ERBB4: variants seen among roughly 807,000 people sequenced by gnomAD.
The protein encoded by ERBB4 is receptor tyrosine-protein kinase erbB-4.
A neutral mutation model predicts 158.0 loss-of-function variants in ERBB4; 42 were observed. The ratio of observed to expected loss-of-function variants is 0.27; its 90% CI spans 0.21 to 0.34. The LOEUF (loss-of-function observed/expected upper bound fraction) is 0.34. Ranked by LOEUF, ERBB4 falls within the 10% of genes least tolerant of loss-of-function variation. ERBB4 has a pLI of 1.00. For missense variants in ERBB4, 1,333 were observed against 1,624.1 expected (o/e 0.82, Z 3.08); for synonymous variants, 583 against 558.7 (o/e 1.04, Z -0.61).
At chr2:211,514,272 C>G (rs1240822703) in intron 20 of ERBB4, among the ~76,000 whole-genome samples, 1 of 152,082 alleles carries the variant, frequency 6.6e-6, no homozygotes, top group Non-Finnish European at 1.5e-5. Context: ...AATATGAAAC[C>G]TATCTCGGTT....
rs911556610 is a variant in ERBB4, at chr2:212,417,900, G to C, written c.82+120549C>G. 2.0e-5 allele frequency among the ~76,000 whole-genome samples: 3 copies of C among 151,906 alleles called. 1 individual carries two copies. Among genetic ancestry groups the C allele is most frequent in the Non-Finnish European group, 4.4e-5 (3 of 67,902 alleles). ...TCTAACTCCCATGGGATAGTATTAAGAGATGGGGCCTTTTAGAAATAATTA... is the reference window on the plus strand; with the variant it reads ...TCTAACTCCCATGGGATAGTATTAACAGATGGGGCCTTTTAGAAATAATTA... On this transcript the variant is annotated intron_variant, in intron 1 of 27. Transcript: ENST00000342788.
chr2:212,287,565 G>A (rs998610656), intron 1 of ERBB4, among the ~76,000 whole-genome samples: 5 of 151,944 alleles, frequency 3.3e-5, no homozygotes, highest in Admixed American at 1.3e-4. Flanking sequence ...AGGCTTCATC[G>A]CTAGTCAATG....
rs1001307275 is a variant in ERBB4 at position 212,215,404 on chromosome 2, A to G, written c.83-90501T>C. ...GAGAATCATTTTTTCTAAGGCTCAA[A>G]TTGCCATTTTTCATCATAAAAATTC... On this transcript the variant is annotated intron_variant, in intron 1 of 27. Coordinates refer to ENST00000342788, the MANE Select transcript of ERBB4 (RefSeq NM_005235.3). Among the ~76,000 whole-genome samples the G allele has an allele frequency of 2.1e-4, 32 of 151,458 alleles. No homozygotes were observed. In the Admixed American group the frequency reaches 2.1e-3, roughly 10 times the overall value.
At chr2:211,978,801 C>T (rs960264184) in intron 2 of ERBB4, among the ~76,000 whole-genome samples, 3 of 152,090 alleles carry the variant, frequency 2.0e-5, no homozygotes, top group Non-Finnish European at 4.4e-5. Flanking sequence ...AAGGTGTTCT[C>T]TAACTACACC....
chr2:211,775,482 T>C (rs562993919), intron 4 of ERBB4, among the ~76,000 whole-genome samples: 2 of 152,328 alleles, frequency 1.3e-5, no homozygotes, highest in East Asian at 3.9e-4. Context: ...TTAAGATAGT[T>C]TGATAACATT....
intron 1 of ERBB4, among the ~76,000 whole-genome samples, chr2:212,199,897 A>G (rs890624290): frequency 6.6e-6 from 1 of 152,178 alleles, no homozygotes; most frequent in South Asian, 2.1e-4. Flanking sequence ...AGGCCAGTGA[A>G]GTATGAAAAG....
chr2:212,302,098 T>G (rs1451277156), intron 1 of ERBB4, among the ~76,000 whole-genome samples: 2 of 151,404 alleles, frequency 1.3e-5, no homozygotes, highest in Non-Finnish European at 3.0e-5. Context: ...TTGGGCTGAT[T>G]GATTATGCCA....
At chr2:211,535,972 G>GTT (rs147965672) in intron 20 of ERBB4, among the ~76,000 whole-genome samples, 33 of 151,162 alleles carry the variant, frequency 2.2e-4, no homozygotes, top group African/African-American at 5.8e-4. Flanking sequence ...ACATTTCCCT[G>GTT]TTTTTTTAAA....
At chr2:212,338,839 C>T (rs1032344839) in intron 1 of ERBB4, among the ~76,000 whole-genome samples, 2 of 152,036 alleles carry the variant, frequency 1.3e-5, no homozygotes, top group Non-Finnish European at 2.9e-5. Context: ...TTCAGGACAA[C>T]GCATACACGG....
intron 2 of ERBB4, among the ~76,000 whole-genome samples, chr2:212,077,509 A>G (rs1014515639): frequency 6.6e-6 from 1 of 152,018 alleles, no homozygotes; most frequent in Non-Finnish European, 1.5e-5. Flanking sequence ...GACAGTGACT[A>G]ATAGTTTTGA....
rs530047343 is a variant in ERBB4 at position 212,101,234 on chromosome 2, G to T, written c.234+23518C>A. 4.6e-5 allele frequency among the ~76,000 whole-genome samples: 7 copies of T among 151,722 alleles called. No individual in the cohort carries two copies. The East Asian group carries it at 1.4e-3, about 29-fold the overall frequency. On this transcript the variant is annotated intron_variant, in intron 2 of 27. Transcript: ENST00000342788. ...AAGAACATTCCAGTGTGTAGCACAT[G>T]GCGGATAATAAAAATATCATTATTG... is the stretch of plus-strand genomic sequence containing the variant.
rs955645049 is a variant in ERBB4, at chr2:211,913,090, C to T, written c.421+34340G>A. Among the ~76,000 whole-genome samples the T allele has an allele frequency of 2.0e-5, 3 of 152,110 alleles. No homozygotes were observed. The East Asian group carries it at 5.8e-4, about 29-fold the overall frequency. ...GCGTGGTTGTCATTCTGAAGGCTCC[C>T]ATCTGTACAGGTTAAATAAATGTGT... On this transcript the variant is annotated intron_variant, in intron 3 of 27. Coordinates refer to ENST00000342788, the MANE Select transcript of ERBB4 (RefSeq NM_005235.3).
intron 20 of ERBB4, among the ~76,000 whole-genome samples, chr2:211,514,020 TA>T (rs1212820444): frequency 6.6e-6 from 1 of 152,104 alleles, no homozygotes; most frequent in East Asian, 1.9e-4. Flanking sequence ...AAATATACAA[TA>T]AATTATTGTC....
chr2:211,874,150 A>G (rs2078431784), intron 3 of ERBB4, among the ~76,000 whole-genome samples: 1 of 152,106 alleles, frequency 6.6e-6, no homozygotes, highest in South Asian at 2.1e-4. Flanking sequence ...AAAAAAGCAA[A>G]CAAACAAAAA....
intron 1 of ERBB4, among the ~76,000 whole-genome samples, chr2:212,205,831 G>A (rs766508191): frequency 7.2e-5 from 11 of 152,062 alleles, no homozygotes; most frequent in Non-Finnish European, 1.0e-4. Context: ...CAAAATATGT[G>A]GTTAGAAGTT....
intron 3 of ERBB4, among the ~76,000 whole-genome samples, chr2:211,805,189 A>C (rs901339476): frequency 7.2e-5 from 11 of 152,134 alleles, no homozygotes; most frequent in Non-Finnish European, 1.0e-4. Flanking sequence ...AAAGTGCTAA[A>C]GTGCTGGGAT....
At chr2:211,632,783 T>A (rs554028790) in intron 16 of ERBB4, among the ~76,000 whole-genome samples, 2 of 152,048 alleles carry the variant, frequency 1.3e-5, no homozygotes, top group East Asian at 3.9e-4. Flanking sequence ...AAGACAGTAA[T>A]TTCTGGTTTT....
At chr2:212,107,005 A>T (rs1246528406) in intron 2 of ERBB4, among the ~76,000 whole-genome samples, 1 of 152,252 alleles carries the variant, frequency 6.6e-6, no homozygotes, top group African/African-American at 2.4e-5. Context: ...CAGGGTGCTC[A>T]TGCAGAACAT....
intron 1 of ERBB4, among the ~76,000 whole-genome samples, chr2:212,188,376 T>C (rs2082094173): frequency 6.7e-6 from 1 of 149,542 alleles, no homozygotes; most frequent in Admixed American, 6.7e-5. Context: ...TATTATAACA[T>C]CCTCTTAAAT....
Sources: allele counts gnomAD v4.1 joint callset (sites outside exome capture counted in the v4.1 genomes callset), GRCh38; gene constraint gnomAD v4.1.1; transcripts MANE v1.5; gene names NCBI Gene and HGNC (gene_info 2026-07-23, HGNC 2026-07-21).